FBXW12: variants seen among roughly 807,000 people sequenced by gnomAD.
FBXW12 encodes F-box/WD repeat-containing protein 12.
FBXW12 carries 43 observed loss-of-function variants against 55.3 expected under a neutral mutation model. That is an observed-to-expected ratio of 0.78 (90% CI 0.61 to 1.00). The LOEUF (loss-of-function observed/expected upper bound fraction) is 1.00, where lower values mean the gene tolerates loss of function less well. Ranked by LOEUF, FBXW12 falls within the 50% of genes least tolerant of loss-of-function variation. FBXW12 has a pLI of 0.00. For missense variants in FBXW12, 524 were observed against 560.5 expected, an observed-to-expected ratio of 0.93 and a Z score of 0.66; for synonymous variants, 184 against 203.8, an observed-to-expected ratio of 0.90 and a Z score of 0.83.
intron 10 of FBXW12, among the ~76,000 whole-genome samples, chr3:48,392,022 A>T (rs1429871798): frequency 2.1e-5 from 3 of 144,560 alleles, no homozygotes; most frequent in Non-Finnish European, 4.4e-5. Context: ...CTTTTGTTTT[A>T]AAAAAAAATC....
In FBXW12 at chr3:48,372,313, A is replaced by G. The variant is rs1487135542; in HGVS notation, c.-92A>G. 1.3e-6 allele frequency: 2 copies of G among 1,552,288 alleles called. No homozygotes were observed. The highest frequency in any genetic ancestry group is 3.9e-5 in the Admixed American group (2 of 51,012). ...ATGAGCCCCACTCACCAGATTCAAG[A>G]TCCCAAGGTAGGCACAGACACAGGG... is the stretch of plus-strand genomic sequence containing the variant. On this transcript the variant is annotated 5_prime_UTR_variant, in exon 1 of 11. Transcript: ENST00000296438.
intron 7 of FBXW12, chr3:48,379,890 G>A: frequency 3.8e-6 from 1 of 262,784 alleles, no homozygotes; most frequent in East Asian, 9.7e-5. Flanking sequence ...TGAGGCGGGA[G>A]GATCACGTGA....
Position 48,373,315 on chromosome 3 carries a change from A to G in FBXW12, c.98A>G (p.Asn33Ser), listed in dbSNP as rs766898901. The G allele has an allele frequency of 4.3e-6, 7 of 1,614,054 alleles. No individual in the cohort carries two copies. The African/African-American group carries it at 8.0e-5, about 18-fold the overall frequency. Residue 33 changes from asparagine (N) to serine (S), a missense_variant, in exon 3 of 11, where the codon AAT becomes AGT. Transcript: ENST00000296438. ...TTCCTTTCTCTCCCATAGCATTGGA[A>G]TAGGATTGCAGACAGTGATTACCTG... ...LQVSQVNKHWNRIADSDYLWR... is the reference protein window; with the variant it reads ...LQVSQVNKHWSRIADSDYLWR...
rs1560029793 is a variant in FBXW12, at chr3:48,374,788, A to ATTTTT, written c.287-566_287-565insTTTTT. Among the ~76,000 whole-genome samples, 104 of 96,284 alleles carry ATTTTT rather than the reference A, an allele frequency of 1.1e-3. 1 individual carries two copies. Among genetic ancestry groups the ATTTTT allele is most frequent in the African/African-American group, 3.4e-3 (82 of 23,906 alleles). 63.2% of individuals were successfully genotyped at this position (96,284 alleles called of 152,430 possible). The stretch of plus-strand genomic sequence containing the variant: ...ACTTTTTTTTTTTTTTTTTTTTTTA[A>ATTTTT]AAACAGAGTCTCATTTTGTCTCCGA... On this transcript the variant is annotated intron_variant, in intron 4 of 10. Coordinates refer to ENST00000296438, the MANE Select transcript of FBXW12 (RefSeq NM_207102.2).
intron 2 of FBXW12, among the ~76,000 whole-genome samples, 188 bp from the exon 3 acceptor site, chr3:48,373,120 G>T (rs977610543): frequency 2.6e-5 from 4 of 152,184 alleles, no homozygotes; most frequent in Non-Finnish European, 5.9e-5. Flanking sequence ...CCCAGTGCCT[G>T]TATTAGCAGT....
intron 5 of FBXW12, among the ~76,000 whole-genome samples, chr3:48,375,869 G>A (rs2036675911): frequency 2.7e-5 from 4 of 150,848 alleles, no homozygotes; most frequent in Admixed American, 1.3e-4. Context: ...TACAGACAGG[G>A]TTTCACCATG....
intron 10 of FBXW12, among the ~76,000 whole-genome samples, chr3:48,391,353 CACAT>C (rs773795337): frequency 6.0e-4 from 80 of 133,836 alleles, no homozygotes; most frequent in Admixed American, 1.5e-3. Context: ...CACACACACA[CACAT>C]ATATATATAA....
At position 48,374,895 on chromosome 3, in the gene FBXW12, A is replaced by G. The variant is rs180795589; in HGVS notation, c.287-459A>G. Among the ~76,000 whole-genome samples, 637 of 149,600 alleles carry G rather than the reference A, an allele frequency of 4.3e-3. 8 individuals are homozygous for G. The highest frequency in any genetic ancestry group is 0.014 in the African/African-American group (583 of 40,550). On this transcript the variant is annotated intron_variant, in intron 4 of 10. Coordinates refer to ENST00000296438, the MANE Select transcript of FBXW12 (RefSeq NM_207102.2). ...AGCAATTCTCATGCCTCAGCCTCCC[A>G]AGTAGTTGGGATTACAGGCACCTGC...
chr3:48,379,711 C>T, intron 7 of FBXW12, 153 bp downstream of exon 7: 2 of 636,008 alleles, frequency 3.1e-6, no homozygotes, highest in South Asian at 4.4e-5. Flanking sequence ...GGTCAGGAAA[C>T]AATGCTCTTT....
At chr3:48,380,970 G>T in intron 8 of FBXW12, 58 bp downstream of exon 8, 1 of 1,388,674 alleles carries the variant, frequency 7.2e-7, no homozygotes, top group Non-Finnish European at 1.0e-6. Context: ...AGTCATTCGT[G>T]TTTAGCTCTA....
chr3:48,372,984 G>A (rs2036626020), intron 2 of FBXW12, 127 bp downstream of exon 2: 13 of 927,492 alleles, frequency 1.4e-5, no homozygotes, highest in Non-Finnish European at 2.1e-5. Flanking sequence ...CATACTGAGG[G>A]CCTCATATTC....
chr3:48,373,260 C>T lies in FBXW12; in HGVS notation c.91-48C>T, dbSNP rs1210582939. The T allele has an allele frequency of 1.9e-6, 3 of 1,614,014 alleles. No homozygotes were observed. The Admixed American group carries it at 5.0e-5, about 27-fold the overall frequency. On this transcript the variant is annotated intron_variant, in intron 2 of 10. Transcript: ENST00000296438. Reference sequence around the variant, plus strand: ...ATAATAGCAGAGGATTACCCTTGCTCTCTGATGTAACTGATTGCCTGCTTG... The same window carrying T: ...ATAATAGCAGAGGATTACCCTTGCTTTCTGATGTAACTGATTGCCTGCTTG...
intron 10 of FBXW12, among the ~76,000 whole-genome samples, chr3:48,391,317 TACACACACACACACAC>T (rs140067012): frequency 1.5e-4 from 20 of 133,182 alleles, no homozygotes; most frequent in African/African-American, 3.5e-4. Context: ...TATCTATCTA[TACACACACACACACAC>T]ACACACACAC....
intron 5 of FBXW12, among the ~76,000 whole-genome samples, chr3:48,377,663 A>G (rs1359480460): frequency 1.3e-5 from 2 of 152,248 alleles, no homozygotes; most frequent in Admixed American, 1.3e-4. Flanking sequence ...AACTTGTTAT[A>G]GTGTGAAAAA....
chr3:48,377,961 T>C (rs1006119274), intron 5 of FBXW12, among the ~76,000 whole-genome samples: 1 of 152,200 alleles, frequency 6.6e-6, no homozygotes, highest in Non-Finnish European at 1.5e-5. Context: ...CTAGGCAGAA[T>C]TCTAAGTATG....
intron 10 of FBXW12, among the ~76,000 whole-genome samples, chr3:48,386,018 C>A (rs1454437135): frequency 2.6e-5 from 4 of 152,158 alleles, no homozygotes; most frequent in Non-Finnish European, 4.4e-5. Flanking sequence ...TTGATGCAAT[C>A]CCGTTTACCT....
In FBXW12 at chr3:48,381,764, T is replaced by C. The variant is rs149080867; in HGVS notation, c.1050T>C (p.Ser350=). The part of the protein sequence containing the change: ...HLKCPIWMGA[S]DGYMIVFTSG... ...AGTGCCCTATCTGGATGGGAGCCAG[T>C]GATGGATATATGATTGTCTTTACCA... The change falls in exon 9 of 11, where the codon AGT becomes AGC. Residue 350 remains serine, a synonymous_variant. Coordinates refer to ENST00000296438, the MANE Select transcript of FBXW12 (RefSeq NM_207102.2). 7 of 1,610,912 alleles carry C rather than the reference T, an allele frequency of 4.3e-6. No individual in the cohort carries two copies. The Admixed American group carries it at 6.7e-5, about 15-fold the overall frequency.
intron 10 of FBXW12, among the ~76,000 whole-genome samples, chr3:48,387,756 G>T (rs966750018): frequency 1.3e-5 from 2 of 151,992 alleles, no homozygotes; most frequent in Non-Finnish European, 2.9e-5. Flanking sequence ...GTGGAGATTG[G>T]GTTTTGCCAG....
Position 48,394,631 on chromosome 3 carries a change from T to G in FBXW12, c.1367T>G (p.Ile456Ser). Reference sequence around the variant, plus strand: ...GTGAGGAAAGTAAGTGACTCCAGCATTCTGGTGATGTATTCTTTGAATACG... The same window carrying G: ...GTGAGGAAAGTAAGTGACTCCAGCAGTCTGGTGATGTATTCTTTGAATACG... ...LRVRKVSDSS[I>S]LVMYSLNT is the part of the protein sequence containing the mutation. Residue 456 changes from isoleucine to serine, a missense_variant, in exon 11 of 11, where the codon ATT becomes AGT. Ile to Ser is a moderately radical substitution (Grantham distance 142). Transcript: ENST00000296438. 6.2e-7 allele frequency: 1 copy of G among 1,601,972 alleles called. No individual in the cohort carries two copies. Among genetic ancestry groups the G allele is most frequent in the Non-Finnish European group, 8.5e-7 (1 of 1,171,294 alleles).
Sources: gnomAD v4.1 joint callset for allele counts (sites outside exome capture counted in the v4.1 genomes callset) on GRCh38, gnomAD v4.1.1 for gene constraint, MANE v1.5 for transcripts, NCBI Gene and HGNC (gene_info 2026-07-23, HGNC 2026-07-21) for gene names.